WDR62: variants seen among roughly 807,000 people sequenced by gnomAD.
WDR62 encodes the protein WD repeat domain 62.
WDR62 carries 112 observed loss-of-function variants against 160.6 expected under a neutral mutation model. The ratio of observed to expected loss-of-function variants is 0.70; its 90% CI spans 0.60 to 0.82. The LOEUF is 0.82. WDR62 is among the 40% of genes least tolerant of loss of function. The pLI, the probability that WDR62 is intolerant of heterozygous loss-of-function variation, is 0.00. For synonymous variants in WDR62, 792 were observed against 815.1 expected (o/e 0.97, Z 0.48); for missense variants, 1,819 against 1,983.8 (o/e 0.92, Z 1.58).
chr19:36,086,708 C>G lies in WDR62; in HGVS notation c.1664C>G (p.Ala555Gly). The part of the protein sequence containing the change: ...PETGLTLLAS[A>G]SRDRLIHVLN... Reference sequence around the variant, plus strand: ...ACAGGGCTGACCTTGCTGGCCTCAGCCAGTCGGGACCGGCTGATCCATGTG... The same window carrying G: ...ACAGGGCTGACCTTGCTGGCCTCAGGCAGTCGGGACCGGCTGATCCATGTG... The change falls in exon 13 of 32, where the codon GCC becomes GGC. Residue 555 changes from alanine (A) to glycine (G), a missense_variant. This residue lies in a region of WDR62 where 934 missense variants were observed against 1,157.2 expected (regional missense o/e 0.81). Coordinates refer to ENST00000401500, the MANE Select transcript of WDR62 (RefSeq NM_001083961.2). 1 of 1,603,688 alleles carries G rather than the reference C, an allele frequency of 6.2e-7. No homozygotes were observed. Among genetic ancestry groups the G allele is most frequent in the African/African-American group, 1.3e-5 (1 of 74,832 alleles).
At chr19:36,055,581 C>T (rs1348760903) in intron 1 of WDR62, among the ~76,000 whole-genome samples, 3 of 152,194 alleles carry the variant, frequency 2.0e-5, no homozygotes, top group Non-Finnish European at 2.9e-5. Flanking sequence ...GCTTCTACCC[C>T]GCCTTCTCTC....
intron 19 of WDR62, 152 bp downstream of exon 19, chr19:36,092,963 A>G: frequency 8.8e-7 from 1 of 1,134,504 alleles, no homozygotes; most frequent in East Asian, 2.5e-5. Context: ...TTGAATATGC[A>G]GTTACAGTAA....
chr19:36,073,631 C>A, intron 9 of WDR62, 100 bp downstream of exon 9: 1 of 977,366 alleles, frequency 1.0e-6, no homozygotes, highest in Non-Finnish European at 1.6e-6. Flanking sequence ...TACTCATTGA[C>A]TCCCTCCTAT....
Position 36,102,037 on chromosome 19 carries a change from G to A in WDR62, c.3106G>A (p.Glu1036Lys). Reference protein sequence around the residue: ...FPGCAGPTEDELSLPEGPSVP... With the variant: ...FPGCAGPTEDKLSLPEGPSVP... ...AGGATGCGCAGGTCCCACAGAAGAT[G>A]AGCTGTCCCTGCCCGAGGGACCCAG... The change falls in exon 26 of 32, where the codon GAG becomes AAG. Residue 1036 changes from glutamate (E) to lysine (K), a missense_variant. Around this residue, in one of 3 missense-constraint regions of WDR62, gnomAD observed 770 missense variants for 734.2 expected, o/e 1.05. Coordinates refer to ENST00000401500, the MANE Select transcript of WDR62 (RefSeq NM_001083961.2). 1.9e-6 allele frequency: 3 copies of A among 1,614,154 alleles called. No individual in the cohort carries two copies. Among genetic ancestry groups the A allele is most frequent in the Non-Finnish European group, 2.5e-6 (3 of 1,180,034 alleles).
In WDR62 at chr19:36,084,747, G is replaced by A. The variant is rs1270414646; in HGVS notation, c.1642+3G>A. 1 of 1,612,810 alleles carries A rather than the reference G, an allele frequency of 6.2e-7. No homozygotes were observed. The stretch of plus-strand genomic sequence containing the variant: ...GGAGTACTCCAAGCCAGAGACGGGT[G>A]AGCCCGCAGCAGGGGTGGAATGGGG... On this transcript the variant is annotated splice_donor_region_variant and intron_variant, in intron 12 of 31. Transcript: ENST00000401500.
chr19:36,089,334 G>A, intron 15 of WDR62, 28 bp downstream of exon 15: 1 of 1,614,170 alleles, frequency 6.2e-7, no homozygotes. Flanking sequence ...ACCCTTAGCT[G>A]GCCTGGTCTG....
intron 9 of WDR62, among the ~76,000 whole-genome samples, chr19:36,076,843 A>G (rs1971596723): frequency 1.3e-5 from 2 of 152,140 alleles, no homozygotes; most frequent in South Asian, 2.1e-4. Flanking sequence ...GTTCTCTCCA[A>G]TTTTTAAAAT....
Position 36,067,842 on chromosome 19 carries a change from G to T in WDR62, c.714G>T (p.Val238=). The T allele has an allele frequency of 6.2e-7, 1 of 1,614,146 alleles. No homozygotes were observed. Among genetic ancestry groups the T allele is most frequent in the Non-Finnish European group, 8.5e-7 (1 of 1,180,040 alleles). The change falls in exon 7 of 32, where the codon GTG becomes GTT. Residue 238 remains valine (V), a synonymous_variant. Transcript: ENST00000401500. ...VSTETKVTST[V]PLVGRSGILG... ...TGTGTCTCCAGGTGACGAGCACAGT[G>T]CCCCTTGTAGGGCGCTCGGGCATCC... is the stretch of plus-strand genomic sequence containing the variant.
rs117709905 is a variant in WDR62 at position 36,060,070 on chromosome 19, G to A, written c.332+40G>A. 3.0e-3 allele frequency: 4,777 copies of A among 1,606,992 alleles called. 37 individuals carry two copies. Among genetic ancestry groups the A allele is most frequent in the Middle Eastern group, 0.015 (92 of 6,022 alleles). On this transcript the variant is annotated intron_variant, in intron 3 of 31. Coordinates refer to ENST00000401500, the MANE Select transcript of WDR62 (RefSeq NM_001083961.2). ...GGGCCCGGGGCAGGGGTGGAACCAGGGGCTTGGCACGCCTCCCCTCCCCTA... is the reference window on the plus strand; with the variant it reads ...GGGCCCGGGGCAGGGGTGGAACCAGAGGCTTGGCACGCCTCCCCTCCCCTA...
intron 9 of WDR62, among the ~76,000 whole-genome samples, chr19:36,080,265 G>T (rs990127819): frequency 1.3e-5 from 2 of 150,148 alleles, no homozygotes; most frequent in Non-Finnish European, 3.0e-5. Context: ...CTGCCACCAC[G>T]CCCGGCTAAT....
At chr19:36,106,914 G>C (rs1383568760), downstream of WDR62, among the ~76,000 whole-genome samples, 4 of 152,152 alleles carry the variant, frequency 2.6e-5, no homozygotes, top group African/African-American at 9.7e-5. Flanking sequence ...TGAACCACCT[G>C]CCTAGGCCTA....
At position 36,094,115 on chromosome 19, in the gene WDR62, T is replaced by G. The variant is rs372089440; in HGVS notation, c.2418T>G (p.Cys806Trp). The change falls in exon 20 of 32, where the codon TGT (cysteine) becomes TGG (tryptophan). Residue 806 changes from cysteine (C) to tryptophan (W), a missense_variant. Around this residue, in one of 3 missense-constraint regions of WDR62, gnomAD observed 934 missense variants for 1,157.2 expected, o/e 0.81. Coordinates refer to ENST00000401500, the MANE Select transcript of WDR62 (RefSeq NM_001083961.2). ...EQTEDDLEEE[C>W]EPEEMLKTPS... Reference sequence around the variant, plus strand: ...CAGAGGATGATCTGGAGGAAGAGTGTGAGCCAGAAGAGATGCTGAAGACAC... The same window carrying G: ...CAGAGGATGATCTGGAGGAAGAGTGGGAGCCAGAAGAGATGCTGAAGACAC... 59 of 1,614,138 alleles carry G rather than the reference T, an allele frequency of 3.7e-5. No homozygotes were observed. In the East Asian group the frequency reaches 4.9e-4, roughly 13 times the overall value.
chr19:36,069,290 C>T (rs995658488), intron 7 of WDR62, among the ~76,000 whole-genome samples: 43 of 151,510 alleles, frequency 2.8e-4, no homozygotes, highest in African/African-American at 9.2e-4. Context: ...GGCTGCCGGG[C>T]GGAGGGGCTC....
intron 6 of WDR62, 29 bp from the exon 7 acceptor site, chr19:36,067,799 G>C: frequency 1.2e-6 from 2 of 1,612,436 alleles, no homozygotes; most frequent in Non-Finnish European, 1.7e-6. Flanking sequence ...GTGTGGACAA[G>C]TATCTCACTA....
At chr19:36,080,663 G>A (rs1479447753) in intron 9 of WDR62, among the ~76,000 whole-genome samples, 3 of 151,174 alleles carry the variant, frequency 2.0e-5, no homozygotes, top group East Asian at 3.9e-4. Context: ...TCTCCATGTT[G>A]AGGCTGGTCT....
In WDR62 at chr19:36,067,319, T is replaced by C; in HGVS notation, c.575T>C (p.Val192Ala). 1 of 1,614,216 alleles carries C rather than the reference T, an allele frequency of 6.2e-7. No individual in the cohort carries two copies. The highest frequency in any genetic ancestry group is 8.5e-7 in the Non-Finnish European group (1 of 1,180,036). ...NVWDWKKDIV[V>A]ASNKVSCRVI... ...TTATTCTTCCAGAAAGACATCGTAG[T>C]GGCCTCCAACAAGGTATCTTGTAGA... The change falls in exon 6 of 32, where the codon GTG becomes GCG. Residue 192 changes from valine (V) to alanine (A), a missense_variant. This residue lies in a region of WDR62 where 934 missense variants were observed against 1,157.2 expected (regional missense o/e 0.81). Coordinates refer to ENST00000401500, the MANE Select transcript of WDR62 (RefSeq NM_001083961.2).
In WDR62 at chr19:36,098,088, A is replaced by G. The variant is rs12327569; in HGVS notation, c.2520+1009A>G. On this transcript the variant is annotated intron_variant, in intron 21 of 31. Coordinates refer to ENST00000401500, the MANE Select transcript of WDR62 (RefSeq NM_001083961.2). ...AGCTCGAGACCAGCTTAGGCAACAT[A>G]ATGAGACTCCCATCTCTACAAAAGA... 7.3e-3 allele frequency among the ~76,000 whole-genome samples: 1,094 copies of G among 150,718 alleles called. 17 individuals carry two copies. Among genetic ancestry groups the G allele is most frequent in the African/African-American group, 0.026 (1,062 of 41,030 alleles).
chr19:36,062,278 A>AT (rs1357338568), intron 3 of WDR62: 1 of 152,070 alleles, frequency 6.6e-6, no homozygotes, highest in East Asian at 1.9e-4. Context: ...TTGCTTTATC[A>AT]TTTTTTGTCT....
chr19:36,102,876 A>T (rs1440459648), intron 27 of WDR62, 25 bp downstream of exon 27: 1 of 1,614,066 alleles, frequency 6.2e-7, no homozygotes, highest in South Asian at 1.1e-5. Context: ...AGCACTGCCC[A>T]CCCTCTGGCT....
Sources: gnomAD v4.1 joint callset for allele counts (sites outside exome capture counted in the v4.1 genomes callset) on GRCh38, gnomAD v4.1.1 for gene constraint, gnomAD v4.1.1 regional missense constraint, MANE v1.5 for transcripts, NCBI Gene and HGNC (gene_info 2026-07-23, HGNC 2026-07-21) for gene names.